PIWIL2: variants seen among roughly 807,000 people sequenced by gnomAD.
PIWIL2 encodes piwi like RNA-mediated gene silencing 2.
In PIWIL2, 81 loss-of-function variants were observed where a neutral mutation model predicts 116.5. The ratio of observed to expected loss-of-function variants is 0.70; its 90% CI spans 0.58 to 0.84. The LOEUF (loss-of-function observed/expected upper bound fraction) is 0.84. Ranked by LOEUF, PIWIL2 falls within the 40% of genes least tolerant of loss-of-function variation. The probability of loss-of-function intolerance (pLI) is 0.00; values close to 1 mark genes in which losing one functional copy is unlikely to be tolerated. For synonymous variants in PIWIL2, 489 were observed against 429.5 expected (o/e 1.14, Z -1.71); for missense variants, 1,272 against 1,212.3 (o/e 1.05, Z -0.73).
At chr8:22,292,525 G>T (rs561324323) in intron 10 of PIWIL2, among the ~76,000 whole-genome samples, 1 of 152,342 alleles carries the variant, frequency 6.6e-6, no homozygotes, top group East Asian at 1.9e-4. Flanking sequence ...TAATTATTCT[G>T]TATCTCCTAG....
intron 1 of PIWIL2, among the ~76,000 whole-genome samples, chr8:22,276,487 T>C (rs1459805279): frequency 1.3e-5 from 2 of 152,056 alleles, no homozygotes; most frequent in African/African-American, 4.8e-5. Context: ...AGCTAATTTT[T>C]GTATTTTTAG....
At chr8:22,349,384 C>T (rs145671313) in intron 20 of PIWIL2, among the ~76,000 whole-genome samples, 4 of 146,504 alleles carry the variant, frequency 2.7e-5, no homozygotes, top group African/African-American at 7.5e-5. Context: ...TGATCTAGCT[C>T]GGTCTCAACT....
At chr8:22,354,421 T>G in intron 22 of PIWIL2, 43 bp downstream of exon 22, 3 of 1,279,700 alleles carry the variant, frequency 2.3e-6, no homozygotes, top group Non-Finnish European at 3.4e-6. Flanking sequence ...CTTAAATAAT[T>G]CTGGCCTGCT....
rs57742067 is a variant in PIWIL2 at position 22,294,900 on chromosome 8, G to GA, written c.1181+4583dup. Among the ~76,000 whole-genome samples, 423 of 93,522 alleles carry GA rather than the reference G, an allele frequency of 4.5e-3. 5 individuals carry two copies. The highest frequency in any genetic ancestry group is 9.1e-3 in the African/African-American group (236 of 25,898). The allele number at this position is 93,522 out of a possible 152,430, so 61.4% of individuals were successfully genotyped here. A position where few individuals can be genotyped will look rare whatever the true frequency, so the allele number is the denominator to read the frequency against. ...ACATGGTGAAATCCCATCTTTACTGGAAAAAAAAAAAAAAAAAAAAAAAAA... is the reference window on the plus strand; with the variant it reads ...ACATGGTGAAATCCCATCTTTACTGGAAAAAAAAAAAAAAAAAAAAAAAAAA... On this transcript the variant is annotated intron_variant, in intron 10 of 22. Transcript: ENST00000356766.
chr8:22,355,520 G>C lies in PIWIL2; in HGVS notation c.*15G>C. 1 of 1,611,316 alleles carries C rather than the reference G, an allele frequency of 6.2e-7. No individual in the cohort carries two copies. Among genetic ancestry groups the C allele is most frequent in the Non-Finnish European group, 8.5e-7 (1 of 1,178,466 alleles). On this transcript the variant is annotated 3_prime_UTR_variant, in exon 23 of 23. Transcript: ENST00000356766. ...TCTTCCTGTGACTGCACAGCTTGGA[G>C]ATGGGCTGGTGAGAAGAAAGGCGGC... is the stretch of plus-strand genomic sequence containing the variant.
intron 20 of PIWIL2, among the ~76,000 whole-genome samples, chr8:22,338,221 T>C (rs896455798): frequency 3.3e-5 from 5 of 152,208 alleles, no homozygotes; most frequent in Non-Finnish European, 7.4e-5. Context: ...TCTTTGCAGT[T>C]TGTGTGATTA....
chr8:22,277,791 T>C (rs141770311), intron 1 of PIWIL2, among the ~76,000 whole-genome samples: 43 of 152,326 alleles, frequency 2.8e-4, no homozygotes, highest in African/African-American at 1.0e-3. Flanking sequence ...AGGACTCTTA[T>C]GTAGGAAAGA....
At chr8:22,349,214 C>T (rs1054048417) in intron 20 of PIWIL2, among the ~76,000 whole-genome samples, 1 of 150,814 alleles carries the variant, frequency 6.6e-6, no homozygotes, top group Non-Finnish European at 1.5e-5. Flanking sequence ...ACCATGTTGC[C>T]CAGGCTGGTC....
At chr8:22,294,364 GA>G (rs1830836888) in intron 10 of PIWIL2, among the ~76,000 whole-genome samples, 2 of 123,612 alleles carry the variant, frequency 1.6e-5, no homozygotes, top group African/African-American at 6.0e-5. Context: ...AAAAAGGTCC[GA>G]GCGTGGTGGC....
At chr8:22,324,373 A>G (rs559464684) in intron 20 of PIWIL2, among the ~76,000 whole-genome samples, 21 of 152,000 alleles carry the variant, frequency 1.4e-4, no homozygotes, top group Non-Finnish European at 2.9e-4. Context: ...CCACTTTTGA[A>G]AGGGACATTA....
intron 10 of PIWIL2, among the ~76,000 whole-genome samples, chr8:22,294,300 T>TA (rs1189969043): frequency 5.1e-5 from 7 of 138,434 alleles, no homozygotes; most frequent in African/African-American, 8.1e-5. Flanking sequence ...ATCATGCCAT[T>TA]ACACTCCAGC....
rs959094040 is a variant in PIWIL2, at chr8:22,279,450, G to T, written c.64G>T (p.Val22Leu). Residue 22 changes from valine (V) to leucine (L), a missense_variant, in exon 2 of 23, where the codon GTA (valine) becomes TTA (leucine). Coordinates refer to ENST00000356766, the MANE Select transcript of PIWIL2 (RefSeq NM_018068.5). Reference sequence around the variant, plus strand: ...TATCCACCCATCCCAGTGCCAGGCTGTACGGATGCCAGGCTGTTGGCCACA... The same window carrying T: ...TATCCACCCATCCCAGTGCCAGGCTTTACGGATGCCAGGCTGTTGGCCACA... ...SPIHPSQCQAVRMPGCWPQAS... is the reference protein window; with the variant it reads ...SPIHPSQCQALRMPGCWPQAS... The T allele has an allele frequency of 6.2e-7, 1 of 1,613,962 alleles. No homozygotes were observed. Among genetic ancestry groups the T allele is most frequent in the Non-Finnish European group, 8.5e-7 (1 of 1,179,950 alleles).
In PIWIL2 at chr8:22,314,444, G is replaced by A. The variant is rs139048762; in HGVS notation, c.2091+15G>A. The A allele has an allele frequency of 0.014, 20,041 of 1,453,694 alleles. 211 individuals carry two copies. The highest frequency in any genetic ancestry group is 0.017 in the Middle Eastern group (95 of 5,610). 90.0% of individuals were successfully genotyped at this position (1,453,694 alleles called of 1,614,324 possible). On this transcript the variant is annotated intron_variant, in intron 17 of 22. Transcript: ENST00000356766. ...TGCCCTCCCAGGTGAGTGGGTGTTG[G>A]GGCAGGAGGCGCAGATGGCACCTCT...
At chr8:22,339,820 A>G (rs1832066592) in intron 20 of PIWIL2, among the ~76,000 whole-genome samples, 2 of 152,170 alleles carry the variant, frequency 1.3e-5, no homozygotes, top group Non-Finnish European at 2.9e-5. Context: ...CATTTTGACT[A>G]GACATTTCTT....
chr8:22,284,120 TG>T, intron 5 of PIWIL2, 41 bp from the exon 6 acceptor site: 1 of 1,072,512 alleles, frequency 9.3e-7, no homozygotes, highest in Non-Finnish European at 1.4e-6. Flanking sequence ...TTTGTTTTTT[TG>T]TTTTTGATAT....
At chr8:22,294,644 C>CAA (rs897494985) in intron 10 of PIWIL2, among the ~76,000 whole-genome samples, 1,874 of 29,576 alleles carry the variant, frequency 0.063, 119 homozygotes, top group Non-Finnish European at 0.1. Flanking sequence ...GACTCTGTCT[C>CAA]AAAAAAAAAA....
In PIWIL2 at chr8:22,290,034, A is replaced by C. The variant is rs535614028; in HGVS notation, c.1067+107A>C. The stretch of plus-strand genomic sequence containing the variant: ...ATGTCAGCAGTAGTTTATGGTAGTG[A>C]ATACAGTTTATCAATTAAATCTCTT... On this transcript the variant is annotated intron_variant, in intron 9 of 22. Coordinates refer to ENST00000356766, the MANE Select transcript of PIWIL2 (RefSeq NM_018068.5). The C allele has an allele frequency of 1.8e-5, 14 of 774,238 alleles. No individual in the cohort carries two copies. In the Admixed American group the frequency reaches 2.7e-4, roughly 15 times the overall value. 48.0% of individuals were successfully genotyped at this position (774,238 alleles called of 1,614,324 possible).
At chr8:22,339,165 A>G (rs1008109832) in intron 20 of PIWIL2, among the ~76,000 whole-genome samples, 3 of 152,246 alleles carry the variant, frequency 2.0e-5, no homozygotes, top group African/African-American at 7.2e-5. Context: ...TTTACACAGT[A>G]TACAAAAAGT....
At chr8:22,346,165 A>G (rs928752325) in intron 20 of PIWIL2, among the ~76,000 whole-genome samples, 1 of 152,156 alleles carries the variant, frequency 6.6e-6, no homozygotes, top group Admixed American at 6.5e-5. Flanking sequence ...TCAAGGCTGC[A>G]GTGAGCTTTG....
Sources: allele counts gnomAD v4.1 joint callset (sites outside exome capture counted in the v4.1 genomes callset), GRCh38; gene constraint gnomAD v4.1.1; transcripts MANE v1.5; gene names NCBI Gene and HGNC (gene_info 2026-07-23, HGNC 2026-07-21).